PTGER3: variants seen among roughly 807,000 people sequenced by gnomAD.
The protein encoded by PTGER3 is prostaglandin E receptor 3, also known as prostaglandin E2 receptor EP3 subtype.
Under a neutral mutation model 34.7 loss-of-function variants are expected in PTGER3, and 22 were observed. The observed-to-expected ratio is 0.63, with a 90% confidence interval of 0.45 to 0.91. The LOEUF (loss-of-function observed/expected upper bound fraction) is 0.91, where lower values mean the gene tolerates loss of function less well. PTGER3 is among the 40% of genes least tolerant of loss of function. The probability of loss-of-function intolerance (pLI) is 0.00; values close to 1 mark genes in which losing one functional copy is unlikely to be tolerated. For synonymous variants in PTGER3, 241 were observed against 230.1 expected (o/e 1.05, Z -0.43); for missense variants, 468 against 519.4 (o/e 0.90, Z 0.96).
At chr1:70,941,842 T>A (rs1649787723) in intron 4 of PTGER3, among the ~76,000 whole-genome samples, 1 of 152,216 alleles carries the variant, frequency 6.6e-6, no homozygotes, top group South Asian at 2.1e-4. Context: ...TCTGTGCTTC[T>A]GACATTGCCT....
chr1:70,855,103 G>T lies in PTGER3; in HGVS notation c.*24-2244C>A, dbSNP rs1015791048. Among the ~76,000 whole-genome samples the T allele has an allele frequency of 2.6e-5, 4 of 152,108 alleles. No homozygotes were observed. The East Asian group carries it at 7.7e-4, about 29-fold the overall frequency. On this transcript the variant is annotated intron_variant, in intron 4 of 4. Transcript: ENST00000370931. ...CCACTGACATATAAATGGATACAGA[G>T]AATGGAGTATATACATACAGTGGAA...
At chr1:70,990,344 G>A (rs1032633653) in intron 2 of PTGER3, among the ~76,000 whole-genome samples, 6 of 136,650 alleles carry the variant, frequency 4.4e-5, no homozygotes, top group African/African-American at 8.1e-5. Flanking sequence ...GCGACAGAAC[G>A]AGACTGTCTC....
At chr1:71,029,675 C>T (rs1659233492) in intron 1 of PTGER3, among the ~76,000 whole-genome samples, 1 of 152,094 alleles carries the variant, frequency 6.6e-6, no homozygotes, top group African/African-American at 2.4e-5. Context: ...CCTGTAATCC[C>T]AGTACTTTGG....
chr1:70,854,003 C>CAATTTGT, intron 4 of PTGER3, among the ~76,000 whole-genome samples: 1 of 152,172 alleles, frequency 6.6e-6, no homozygotes, highest in Middle Eastern at 3.4e-3. Flanking sequence ...AGGCATAAGA[C>CAATTTGT]CTTAAAATAT....
At chr1:70,969,193 T>C (rs1199108078), downstream of PTGER3, among the ~76,000 whole-genome samples, 1 of 151,904 alleles carries the variant, frequency 6.6e-6, no homozygotes, top group Admixed American at 6.6e-5. Context: ...GGCAACAGAG[T>C]GAGACTCTGT....
rs574330979 is a variant in PTGER3, at chr1:70,853,862, A to G, written c.*24-1003T>C. Among the ~76,000 whole-genome samples the G allele has an allele frequency of 9.2e-5, 14 of 152,340 alleles. No homozygotes were observed. The East Asian group carries it at 2.7e-3, about 29-fold the overall frequency. On this transcript the variant is annotated intron_variant, in intron 4 of 4. Transcript: ENST00000370931. ...TCTTTGACAAGAGTGCCAAAACCAT[A>G]CAATGGGCTTAAAGGGTAGTCCTGT...
intron 2 of PTGER3, among the ~76,000 whole-genome samples, chr1:71,004,733 A>G (rs973593836): frequency 2.0e-5 from 3 of 152,230 alleles, no homozygotes; most frequent in African/African-American, 4.8e-5. Flanking sequence ...GGAGGCATCA[A>G]TAGAAAGATG....
At chr1:70,999,733 A>G (rs985076099) in intron 2 of PTGER3, among the ~76,000 whole-genome samples, 27 of 152,212 alleles carry the variant, frequency 1.8e-4, no homozygotes, top group African/African-American at 6.5e-4. Context: ...AGGAAAAATA[A>G]AAAAAGAGAC....
intron 2 of PTGER3, chr1:71,007,457 G>T: frequency 1.0e-6 from 1 of 985,324 alleles, no homozygotes; most frequent in Admixed American, 6.2e-5. Context: ...AAGACCCCTG[G>T]CCACTCAGTA....
chr1:70,897,640 A>G (rs1406709889), intron 4 of PTGER3, among the ~76,000 whole-genome samples: 2 of 152,036 alleles, frequency 1.3e-5, no homozygotes, highest in African/African-American at 4.8e-5. Context: ...TCAGGAGCTC[A>G]TTTCTTCCAG....
At chr1:70,943,280 A>G (rs1649920750) in intron 4 of PTGER3, among the ~76,000 whole-genome samples, 1 of 152,170 alleles carries the variant, frequency 6.6e-6, no homozygotes, top group African/African-American at 2.4e-5. Context: ...ACCAGCAAGC[A>G]AATAATCAAG....
chr1:70,876,864 A>T (rs1646283722), intron 4 of PTGER3, among the ~76,000 whole-genome samples: 1 of 152,094 alleles, frequency 6.6e-6, no homozygotes, highest in South Asian at 2.1e-4. Flanking sequence ...GTAGCCTTGT[A>T]GTATAGTTTG....
chr1:71,014,951 T>A (rs1657761989), intron 1 of PTGER3, among the ~76,000 whole-genome samples: 1 of 152,198 alleles, frequency 6.6e-6, no homozygotes. Context: ...ACTCTGGTAT[T>A]CAAAGCCCTC....
Position 70,999,287 on chromosome 1 carries a change from C to T in PTGER3, c.1077+13018G>A, listed in dbSNP as rs564888334. Among the ~76,000 whole-genome samples the T allele has an allele frequency of 1.3e-3, 200 of 152,274 alleles. 1 individual carries two copies. Among genetic ancestry groups the T allele is most frequent in the Non-Finnish European group, 3.5e-4 (24 of 68,032 alleles). The stretch of plus-strand genomic sequence containing the variant: ...TAATAATAGAATTAGAGTTTGGAGA[C>T]GCTGAGATTTTGTTTCCTTGAACAA... On this transcript the variant is annotated intron_variant, in intron 2 of 3. Coordinates refer to ENST00000306666, the MANE Select transcript of PTGER3 (RefSeq NM_198719.2).
In PTGER3 at chr1:71,047,063, C is replaced by T; in HGVS notation, c.515G>A (p.Arg172His). ...PHWYASHMKT[R>H]ATRAVLLGVW... ...GCCGAGCAGCACAGCGCGGGTGGCA[C>T]GCGTCTTCATGTGGCTCGCATACCA... The change falls in exon 1 of 4, where the codon CGT (arginine) becomes CAT (histidine). Residue 172 changes from arginine to histidine, a missense_variant. Transcript: ENST00000306666. 6.2e-7 allele frequency: 1 copy of T among 1,611,762 alleles called. No individual in the cohort carries two copies. Among genetic ancestry groups the T allele is most frequent in the Non-Finnish European group, 8.5e-7 (1 of 1,179,364 alleles).
chr1:70,902,697 A>G (rs1646865272), intron 4 of PTGER3, among the ~76,000 whole-genome samples: 1 of 152,224 alleles, frequency 6.6e-6, no homozygotes, highest in African/African-American at 2.4e-5. Flanking sequence ...GGAAAGTACA[A>G]CGGATATTCA....
At chr1:70,950,417 C>T (rs1650644616), downstream of PTGER3, among the ~76,000 whole-genome samples, 1 of 152,090 alleles carries the variant, frequency 6.6e-6, no homozygotes, top group Non-Finnish European at 1.5e-5. Flanking sequence ...GGAGGCATTC[C>T]AGTAGGACTA....
At chr1:71,039,649 CAAAA>C (rs1183485427) in intron 1 of PTGER3, among the ~76,000 whole-genome samples, 1 of 54,476 alleles carries the variant, frequency 1.8e-5, no homozygotes, top group Non-Finnish European at 4.0e-5. Flanking sequence ...GACTCTGTCT[CAAAA>C]AAAAAAAAAA....
chr1:70,986,275 A>C (rs775401355), intron 2 of PTGER3, among the ~76,000 whole-genome samples: 39 of 152,192 alleles, frequency 2.6e-4, no homozygotes, highest in South Asian at 4.1e-4. Flanking sequence ...TCTATGGATT[A>C]GCCATTTTTT....
Sources: gnomAD v4.1 joint callset for allele counts (sites outside exome capture counted in the v4.1 genomes callset) on GRCh38, gnomAD v4.1.1 for gene constraint, MANE v1.5 for transcripts, NCBI Gene and HGNC (gene_info 2026-07-23, HGNC 2026-07-21) for gene names.